The following BBS9 variants were observed in gnomAD, a reference collection of about 807,000 sequenced individuals.
BBS9 encodes Bardet-Biedl syndrome 9.
BBS9 carries 89 observed loss-of-function variants against 117.7 expected under a neutral mutation model. That is an observed-to-expected ratio of 0.76 (90% CI 0.64 to 0.90). BBS9 has a LOEUF of 0.90. BBS9 is among the 40% of genes least tolerant of loss of function. The pLI, the probability that BBS9 is intolerant of heterozygous loss-of-function variation, is 0.00. For synonymous variants in BBS9, 379 were observed against 370.9 expected, an observed-to-expected ratio of 1.02 and a Z score of -0.25; for missense variants, 982 against 1,042.2, an observed-to-expected ratio of 0.94 and a Z score of 0.80.
rs115712669 is a variant in BBS9, at chr7:33,390,447, A to G, written c.2115+2303A>G. 3.3e-3 allele frequency: 3,200 copies of G among 982,320 alleles called. 84 individuals carry two copies. In the African/African-American group the frequency reaches 0.051, roughly 16 times the overall value. 60.9% of individuals were successfully genotyped at this position (982,320 alleles called of 1,614,324 possible). On this transcript the variant is annotated intron_variant, in intron 19 of 22. Transcript: ENST00000242067. ...ACCATGGCTTTTCACTTGAATGTAT[A>G]TTGTTAAGTCCCATTCCTTTTAGAT...
At chr7:33,266,295 C>A (rs1420740413) in intron 7 of BBS9, among the ~76,000 whole-genome samples, 1 of 152,150 alleles carries the variant, frequency 6.6e-6, no homozygotes, top group African/African-American at 2.4e-5. Flanking sequence ...GGAGCAATAT[C>A]AAATCTATTG....
At chr7:33,313,058 T>TGTGTGTGTGTGC (rs1236951014) in intron 9 of BBS9, among the ~76,000 whole-genome samples, 3 of 151,264 alleles carry the variant, frequency 2.0e-5, no homozygotes, top group African/African-American at 7.4e-5. Flanking sequence ...TGTGTGTGTG[T>TGTGTGTGTGTGC]GTGTGTGCGC....
At chr7:33,633,510 C>CTTTT in intron 21 of BBS9, among the ~76,000 whole-genome samples, 1 of 98,462 alleles carries the variant, frequency 1.0e-5, no homozygotes, top group South Asian at 4.1e-4. Context: ...TAACTTTTTT[C>CTTTT]TTTTTTTTTT....
intron 21 of BBS9, among the ~76,000 whole-genome samples, chr7:33,600,257 C>A (rs1364730646): frequency 6.6e-6 from 1 of 152,088 alleles, no homozygotes; most frequent in Non-Finnish European, 1.5e-5. Flanking sequence ...ATTGAAAGGG[C>A]TTTTTTACGA....
chr7:33,356,411 A>G (rs140346534), intron 15 of BBS9, among the ~76,000 whole-genome samples: 6 of 151,964 alleles, frequency 3.9e-5, no homozygotes, highest in African/African-American at 1.4e-4. Flanking sequence ...ACATGCCTCT[A>G]AAAACCTCAC....
chr7:33,335,470 T>G (rs577602770), intron 9 of BBS9, among the ~76,000 whole-genome samples: 2 of 152,252 alleles, frequency 1.3e-5, no homozygotes, highest in African/African-American at 2.4e-5. Flanking sequence ...GTCAAACAAA[T>G]CCATTATGTA....
At chr7:33,222,936 G>C (rs1423828205) in intron 5 of BBS9, among the ~76,000 whole-genome samples, 2 of 148,722 alleles carry the variant, frequency 1.3e-5, no homozygotes, top group African/African-American at 2.5e-5. Context: ...CTGGGCAACA[G>C]AGCAAGACCC....
chr7:33,236,066 G>A (rs1227902665), intron 5 of BBS9, among the ~76,000 whole-genome samples: 2 of 152,022 alleles, frequency 1.3e-5, no homozygotes, highest in Non-Finnish European at 2.9e-5. Context: ...GGTGGTTCAT[G>A]CCTGTAATCC....
chr7:33,559,946 A>G (rs1376638757), intron 21 of BBS9, among the ~76,000 whole-genome samples: 1 of 151,694 alleles, frequency 6.6e-6, no homozygotes, highest in African/African-American at 2.4e-5. Flanking sequence ...CATCTTTCCT[A>G]CTGCAGCTGG....
chr7:33,328,721 A>G (rs555141392), intron 9 of BBS9, among the ~76,000 whole-genome samples: 3 of 152,318 alleles, frequency 2.0e-5, no homozygotes, highest in South Asian at 4.1e-4. Flanking sequence ...ATTAGGTCCA[A>G]TGCATGTTCT....
chr7:33,157,674 A>G (rs1409210843), intron 4 of BBS9: 1 of 152,236 alleles, frequency 6.6e-6, no homozygotes, highest in Non-Finnish European at 1.5e-5. Context: ...GTGTCAGCAG[A>G]CAAACGTGTG....
chr7:33,585,547 A>C (rs1392149892), intron 21 of BBS9, among the ~76,000 whole-genome samples: 1 of 152,142 alleles, frequency 6.6e-6, no homozygotes, highest in East Asian at 1.9e-4. Flanking sequence ...TTTACAGCTT[A>C]GTTTCATCAT....
intron 5 of BBS9, among the ~76,000 whole-genome samples, chr7:33,254,734 T>C (rs1796752505): frequency 1.3e-5 from 2 of 152,208 alleles, no homozygotes; most frequent in Non-Finnish European, 2.9e-5. Flanking sequence ...TAAAAAATAT[T>C]ACACGTATGA....
At chr7:33,386,312 C>T (rs903239972) in intron 18 of BBS9, among the ~76,000 whole-genome samples, 89 of 152,030 alleles carry the variant, frequency 5.9e-4, no homozygotes, top group Non-Finnish European at 1.1e-3. Flanking sequence ...ATGTAGACTA[C>T]GATATGTTTG....
intron 5 of BBS9, among the ~76,000 whole-genome samples, chr7:33,207,660 G>A (rs1047916918): frequency 1.3e-5 from 2 of 151,962 alleles, no homozygotes; most frequent in African/African-American, 2.4e-5. Flanking sequence ...GATGCTAGGT[G>A]TGATCCTGTT....
intron 19 of BBS9, among the ~76,000 whole-genome samples, chr7:33,403,473 A>G (rs1490480118): frequency 1.6e-5 from 1 of 61,996 alleles, no homozygotes; most frequent in African/African-American, 5.6e-5. Context: ...CCCTCCCCCC[A>G]CCCCACAACA....
intron 21 of BBS9, among the ~76,000 whole-genome samples, chr7:33,584,267 T>C (rs1428120370): frequency 3.3e-5 from 5 of 152,090 alleles, no homozygotes; most frequent in Non-Finnish European, 5.9e-5. Context: ...TCTACAATTA[T>C]ATCATCTGGA....
intron 9 of BBS9, among the ~76,000 whole-genome samples, chr7:33,287,301 T>C (rs1803091615): frequency 6.6e-6 from 1 of 152,188 alleles, no homozygotes; most frequent in Non-Finnish European, 1.5e-5. Context: ...TTCTAAGTCT[T>C]TAACACATCA....
At chr7:33,630,470 A>T (rs143765178) in intron 21 of BBS9, among the ~76,000 whole-genome samples, 28 of 152,284 alleles carry the variant, frequency 1.8e-4, no homozygotes, top group Admixed American at 1.8e-3. Context: ...AGCCAACTCA[A>T]TTGGATTACT....
Sources: allele counts gnomAD v4.1 joint callset (sites outside exome capture counted in the v4.1 genomes callset), GRCh38; gene constraint gnomAD v4.1.1; transcripts MANE v1.5; gene names NCBI Gene and HGNC (gene_info 2026-07-23, HGNC 2026-07-21).